STK32C: variants seen among roughly 807,000 people sequenced by gnomAD.
The protein encoded by STK32C is serine/threonine kinase 32C, also known as serine/threonine-protein kinase 32C.
In STK32C, 31 loss-of-function variants were observed where a neutral mutation model predicts 56.5. The observed-to-expected ratio is 0.55, with a 90% CI of 0.41 to 0.74. STK32C has a LOEUF of 0.74. STK32C is among the 30% of genes least tolerant of loss of function. The pLI is 0.00. For synonymous variants in STK32C, 309 were observed against 289.4 expected, an observed-to-expected ratio of 1.07 and a Z score of -0.69; for missense variants, 544 against 676.9, an observed-to-expected ratio of 0.80 and a Z score of 2.18.
At chr10:132,231,970 G>T (rs1179601290) in intron 2 of STK32C, among the ~76,000 whole-genome samples, 3 of 152,258 alleles carry the variant, frequency 2.0e-5, no homozygotes, top group Admixed American at 6.5e-5. Context: ...TCTGTTGTTT[G>T]CAGACACTGA....
rs1295369242 is a variant in STK32C at position 132,267,514 on chromosome 10, TGTGTCA to T, written c.263-21565_263-21560del. Among the ~76,000 whole-genome samples the T allele has an allele frequency of 5.5e-3, 829 of 151,458 alleles. 8 individuals are homozygous for T. The highest frequency in any genetic ancestry group is 0.019 in the African/African-American group (790 of 41,114). Reference sequence around the variant, plus strand: ...GTGCATGCATGTCCCACATCGTGTGTGTGTCAGTGTGTGTGCATGCATGTTCAGCTC... The same window carrying T: ...GTGCATGCATGTCCCACATCGTGTGTGTGTGTGTGCATGCATGTTCAGCTC... On this transcript the variant is annotated intron_variant, in intron 1 of 11. Transcript: ENST00000298630.
chr10:132,224,597 G>A (rs1475985497), intron 7 of STK32C, 74 bp from the exon 8 acceptor site: 53 of 1,149,226 alleles, frequency 4.6e-5, no homozygotes, highest in Non-Finnish European at 6.1e-5. Context: ...AGACACAGGT[G>A]CCATCGCCCT....
intron 2 of STK32C, among the ~76,000 whole-genome samples, chr10:132,236,589 T>A (rs182782471): frequency 2.3e-4 from 35 of 152,278 alleles, no homozygotes; most frequent in African/African-American, 7.7e-4. Flanking sequence ...TATTTGAGAC[T>A]GACCTGAGGC....
rs1291829453 is a variant in STK32C, at chr10:132,307,279, T to C, written c.262+293A>G. The C allele has an allele frequency of 1.5e-5, 4 of 259,810 alleles. No homozygotes were observed. The highest frequency in any genetic ancestry group is 4.5e-5 in the African/African-American group (2 of 44,068). 16.1% of individuals were successfully genotyped at this position (259,810 alleles called of 1,614,324 possible). ...CGGAAAGCAGGGCTGCCACGGGCGG[T>C]GGGCGGAGGCGCGCGCAAGCCCGGA... On this transcript the variant is annotated intron_variant, in intron 1 of 11. Coordinates refer to ENST00000298630, the MANE Select transcript of STK32C (RefSeq NM_173575.4). The surrounding 1 kb of genome is among the most constrained non-coding windows in gnomAD (Gnocchi z 4.4).
chr10:132,250,879 A>G (rs547012420), intron 1 of STK32C, among the ~76,000 whole-genome samples: 39 of 152,184 alleles, frequency 2.6e-4, no homozygotes, highest in South Asian at 1.4e-3. Flanking sequence ...AGAGCCCCCA[A>G]AACCAATCCC....
upstream of STK32C, chr10:132,332,075 G>A (rs1031344763): frequency 3.7e-6 from 1 of 270,348 alleles, no homozygotes; most frequent in Non-Finnish European, 6.9e-6. Flanking sequence ...ACACCCCCGC[G>A]CGCAGGCGCA....
chr10:132,300,547 G>T (rs58293773), intron 1 of STK32C, among the ~76,000 whole-genome samples: 5,387 of 152,346 alleles, frequency 0.035, 313 homozygotes, highest in African/African-American at 0.12. Context: ...TGAGGAAACT[G>T]TTTTCTGATG....
chr10:132,215,897 C>A (rs1173918256), intron 10 of STK32C, among the ~76,000 whole-genome samples: 1 of 152,188 alleles, frequency 6.6e-6, no homozygotes, highest in Non-Finnish European at 1.5e-5. Flanking sequence ...GAAGTCCAGG[C>A]TGAGCTGGTC....
In STK32C at chr10:132,224,476, C is replaced by T. The variant is rs1437250863; in HGVS notation, c.924G>A (p.Gln308=). ...HSSNAVESLV[Q]LFSTVSVQYV... is the part of the protein sequence containing the mutation. ...ACTGGACGCTCACGGTGCTGAACAGCTGCACCAGGGACTCCACGGCGTTGC... is the reference window on the plus strand; with the variant it reads ...ACTGGACGCTCACGGTGCTGAACAGTTGCACCAGGGACTCCACGGCGTTGC... The change falls in exon 8 of 12, where the codon CAG becomes CAA. Residue 308 remains glutamine (Q), a synonymous_variant. Coordinates refer to ENST00000298630, the MANE Select transcript of STK32C (RefSeq NM_173575.4). The T allele has an allele frequency of 6.3e-7, 1 of 1,583,052 alleles. No individual in the cohort carries two copies. Among genetic ancestry groups the T allele is most frequent in the Non-Finnish European group, 8.6e-7 (1 of 1,164,766 alleles).
intron 1 of STK32C, among the ~76,000 whole-genome samples, chr10:132,277,707 G>A (rs150575695): frequency 2.6e-4 from 39 of 152,324 alleles, no homozygotes; most frequent in Admixed American, 3.9e-4. Flanking sequence ...AAGCTGGTCG[G>A]GGCAAAGCAT....
At chr10:132,238,627 G>T (rs1360384802) in intron 2 of STK32C, among the ~76,000 whole-genome samples, 1 of 152,166 alleles carries the variant, frequency 6.6e-6, no homozygotes, top group Non-Finnish European at 1.5e-5. Flanking sequence ...CAGACGGCTG[G>T]GGGTGAGCTG....
intron 1 of STK32C, among the ~76,000 whole-genome samples, chr10:132,252,693 T>C (rs1055297480): frequency 6.6e-6 from 1 of 152,232 alleles, no homozygotes; most frequent in African/African-American, 2.4e-5. Flanking sequence ...CTGCCCTCAT[T>C]GTGCAGCTTG....
At chr10:132,242,373 ACT>A (rs2063535356) in intron 2 of STK32C, among the ~76,000 whole-genome samples, 1 of 151,900 alleles carries the variant, frequency 6.6e-6, no homozygotes, top group African/African-American at 2.4e-5. Flanking sequence ...GCACCAGTAA[ACT>A]CTGCGTTGTT....
downstream of STK32C, among the ~76,000 whole-genome samples, chr10:132,319,253 T>C (rs1160251283): frequency 2.0e-5 from 3 of 152,176 alleles, no homozygotes; most frequent in Non-Finnish European, 4.4e-5. Flanking sequence ...CCAGTCATGA[T>C]ACAGCTACAC....
intron 1 of STK32C, among the ~76,000 whole-genome samples, chr10:132,278,821 T>C (rs1421822282): frequency 1.3e-5 from 2 of 149,838 alleles, no homozygotes; most frequent in South Asian, 2.1e-4. Flanking sequence ...GCAATACATA[T>C]GACAAACAAG....
chr10:132,273,780 A>G (rs1324078586), intron 1 of STK32C, among the ~76,000 whole-genome samples: 3 of 152,214 alleles, frequency 2.0e-5, no homozygotes, highest in African/African-American at 7.2e-5. Flanking sequence ...ACACATGGTA[A>G]GTGAATGAAT....
intron 1 of STK32C, among the ~76,000 whole-genome samples, chr10:132,275,834 C>G (rs1413917505): frequency 6.6e-6 from 1 of 152,224 alleles, no homozygotes; most frequent in Non-Finnish European, 1.5e-5. Flanking sequence ...TTCTTCCTGC[C>G]CCTCTTTTCT....
chr10:132,264,824 T>C (rs1472818004), intron 1 of STK32C, among the ~76,000 whole-genome samples: 5 of 152,216 alleles, frequency 3.3e-5, no homozygotes, highest in Admixed American at 2.0e-4. Flanking sequence ...CAGTCGCTCA[T>C]GGCAGTTTTC....
Position 132,307,453 on chromosome 10 carries a change from G to A in STK32C, c.262+119C>T, listed in dbSNP as rs1344791327. The A allele has an allele frequency of 2.6e-6, 3 of 1,168,612 alleles. No homozygotes were observed. The highest frequency in any genetic ancestry group is 3.5e-5 in the South Asian group (2 of 56,600). 72.4% of individuals were successfully genotyped at this position (1,168,612 alleles called of 1,614,324 possible). On this transcript the variant is annotated intron_variant, in intron 1 of 11. Transcript: ENST00000298630. The surrounding 1 kb of genome is among the most constrained non-coding windows in gnomAD (Gnocchi z 4.4). Reference sequence around the variant, plus strand: ...CCCGGCGCGAGCTTCTCCGGAAGCCGGGGCGCCCCGGGAAGCCGTCCCGGA... The same window carrying A: ...CCCGGCGCGAGCTTCTCCGGAAGCCAGGGCGCCCCGGGAAGCCGTCCCGGA...
Sources: allele counts gnomAD v4.1 joint callset (sites outside exome capture counted in the v4.1 genomes callset), GRCh38; gene constraint gnomAD v4.1.1; non-coding constraint Gnocchi (gnomAD v3.1); transcripts MANE v1.5; gene names NCBI Gene and HGNC (gene_info 2026-07-23, HGNC 2026-07-21).